The following MGST1 variants were observed in gnomAD, a reference collection of about 807,000 sequenced individuals.
MGST1 encodes glutathione S-transferase 12.
A neutral mutation model predicts 8.9 loss-of-function variants in MGST1; 5 were observed. The observed-to-expected ratio is 0.56, with a 90% CI of 0.29 to 1.19. The LOEUF (loss-of-function observed/expected upper bound fraction) is 1.19. MGST1 is among the 50% of genes most tolerant of loss of function. MGST1 has a pLI of 0.08. For missense variants in MGST1, 182 were observed against 187.4 expected, an observed-to-expected ratio of 0.97 and a Z score of 0.17; for synonymous variants, 54 against 67.8, an observed-to-expected ratio of 0.80 and a Z score of 1.00.
At chr12:16,518,377 G>A (rs944700677) in intron 4 of MGST1, among the ~76,000 whole-genome samples, 2 of 152,128 alleles carry the variant, frequency 1.3e-5, no homozygotes, top group Non-Finnish European at 2.9e-5. Context: ...AATGACAGAA[G>A]GCTTCTGTGA....
chr12:16,564,145 GTCTA>G (rs1340327414), intron 4 of MGST1, among the ~76,000 whole-genome samples: 2 of 151,868 alleles, frequency 1.3e-5, no homozygotes, highest in East Asian at 3.9e-4. Context: ...ACCTCATTTT[GTCTA>G]TCTAAAAACA....
At chr12:16,434,912 T>TA in intron 1 of MGST1, among the ~76,000 whole-genome samples, 1 of 152,004 alleles carries the variant, frequency 6.6e-6, no homozygotes, top group African/African-American at 2.4e-5. Context: ...TGAAAGAACA[T>TA]AAGCAATGAA....
intron 4 of MGST1, among the ~76,000 whole-genome samples, chr12:16,501,448 A>G (rs1941505977): frequency 6.6e-6 from 1 of 152,192 alleles, no homozygotes; most frequent in Non-Finnish European, 1.5e-5. Flanking sequence ...ATAATGCAAC[A>G]TGTTCTCCTT....
At chr12:16,385,657 G>A (rs1981751) in intron 1 of MGST1, among the ~76,000 whole-genome samples, 58,518 of 150,800 alleles carry the variant, frequency 0.39, 11,647 homozygotes, top group East Asian at 0.57. Context: ...TACCATCAAA[G>A]CCCAGGAGAA....
downstream of MGST1, among the ~76,000 whole-genome samples, chr12:16,379,671 T>C (rs986933388): frequency 2.0e-4 from 31 of 152,216 alleles, no homozygotes; most frequent in African/African-American, 7.0e-4. Context: ...TAAAATGAGT[T>C]AGGGAGGATT....
At chr12:16,465,759 A>C (rs1194258975) in intron 4 of MGST1, among the ~76,000 whole-genome samples, 1 of 152,114 alleles carries the variant, frequency 6.6e-6, no homozygotes, top group Admixed American at 6.5e-5. Context: ...AATCATCCCC[A>C]AATTATCCTC....
intron 4 of MGST1, among the ~76,000 whole-genome samples, chr12:16,520,463 A>G (rs1941641620): frequency 6.6e-6 from 1 of 152,018 alleles, no homozygotes; most frequent in Non-Finnish European, 1.5e-5. Flanking sequence ...GGCAATTTTC[A>G]AGAAGAGCAG....
intron 1 of MGST1, among the ~76,000 whole-genome samples, chr12:16,349,374 G>A (rs1013030838): frequency 1.3e-5 from 2 of 152,060 alleles, no homozygotes; most frequent in African/African-American, 2.4e-5. Context: ...CGGGGGTTTG[G>A]GGGGAGGGGT....
At chr12:16,427,461 C>A (rs1427622552) in intron 1 of MGST1, among the ~76,000 whole-genome samples, 1 of 152,222 alleles carries the variant, frequency 6.6e-6, no homozygotes, top group Non-Finnish European at 1.5e-5. Flanking sequence ...TGGCTCACTG[C>A]AACCTCTGTC....
intron 4 of MGST1, among the ~76,000 whole-genome samples, chr12:16,493,565 C>A (rs542749872): frequency 6.6e-6 from 1 of 152,224 alleles, no homozygotes; most frequent in South Asian, 2.1e-4. Context: ...CCTGATATAG[C>A]AGTGACAAAT....
At chr12:16,489,340 C>A (rs1424420085) in intron 4 of MGST1, among the ~76,000 whole-genome samples, 2 of 151,866 alleles carry the variant, frequency 1.3e-5, no homozygotes, top group Non-Finnish European at 1.5e-5. Context: ...GCAAGTTGGA[C>A]TTGGTTTTTG....
downstream of MGST1, among the ~76,000 whole-genome samples, chr12:16,382,142 A>T (rs186507196): frequency 9.7e-4 from 147 of 152,124 alleles, no homozygotes; most frequent in African/African-American, 3.4e-3. Context: ...TCAACTCATC[A>T]AAGTCATTCT....
In MGST1 at chr12:16,517,618, G is replaced by C. The variant is rs1194714248; in HGVS notation, n.483-71910G>C. On this transcript the variant is annotated intron_variant and non_coding_transcript_variant, in intron 4 of 4. Coordinates refer to the MGST1 transcript ENST00000538857. The surrounding 1 kb of genome is among the most constrained non-coding windows in gnomAD (Gnocchi z 4.2). ...ATATTTTGTTATAGTAGCACAAAAT[G>C]AACCAAGACAGCAGGTAAGCAAATC... 2.0e-5 allele frequency among the ~76,000 whole-genome samples: 3 copies of C among 152,180 alleles called. No homozygotes were observed. The East Asian group carries it at 5.8e-4, about 29-fold the overall frequency.
intron 4 of MGST1, among the ~76,000 whole-genome samples, chr12:16,538,226 C>T (rs1487623050): frequency 6.6e-6 from 1 of 152,192 alleles, no homozygotes; most frequent in Non-Finnish European, 1.5e-5. Flanking sequence ...CAAGAGTCAC[C>T]TTTGCTCCAG....
At chr12:16,564,093 G>A (rs1662094100) in intron 4 of MGST1, among the ~76,000 whole-genome samples, 1 of 152,134 alleles carries the variant, frequency 6.6e-6, no homozygotes, top group African/African-American at 2.4e-5. Flanking sequence ...AAATCCCAGA[G>A]ATGTTTCTGT....
chr12:16,445,486 A>T (rs948311306), intron 4 of MGST1, among the ~76,000 whole-genome samples: 4 of 151,962 alleles, frequency 2.6e-5, no homozygotes, highest in East Asian at 1.9e-4. Context: ...CAACTGATCA[A>T]TGTGATGTTC....
At chr12:16,504,627 T>G (rs751065376) in intron 4 of MGST1, among the ~76,000 whole-genome samples, 2 of 152,038 alleles carry the variant, frequency 1.3e-5, no homozygotes. Context: ...GGGCGTGGAG[T>G]GGGGAGAAGT....
chr12:16,571,017 AAAACTT>A (rs1942795132), intron 4 of MGST1, among the ~76,000 whole-genome samples: 1 of 152,126 alleles, frequency 6.6e-6, no homozygotes, highest in African/African-American at 2.4e-5. Flanking sequence ...CATGTACCCT[AAAACTT>A]AAAGTATAAT....
At chr12:16,491,291 G>T (rs967851243) in intron 4 of MGST1, among the ~76,000 whole-genome samples, 3 of 152,080 alleles carry the variant, frequency 2.0e-5, no homozygotes, top group African/African-American at 4.8e-5. Context: ...ACAGCTTATT[G>T]ACTGGGAGCT....
Sources: gnomAD v4.1 joint callset for allele counts (sites outside exome capture counted in the v4.1 genomes callset) on GRCh38, gnomAD v4.1.1 for gene constraint, Gnocchi (gnomAD v3.1) non-coding constraint, MANE v1.5 for transcripts, NCBI Gene and HGNC (gene_info 2026-07-23, HGNC 2026-07-21) for gene names.